SLC2A1: variants seen among roughly 807,000 people sequenced by gnomAD.
The protein encoded by SLC2A1 is solute carrier family 2 member 1, also known as solute carrier family 2, facilitated glucose transporter member 1.
SLC2A1 carries 4 observed loss-of-function variants against 46.6 expected under a neutral mutation model. The ratio of observed to expected loss-of-function variants is 0.09; its 90% CI spans 0.04 to 0.20. The LOEUF (loss-of-function observed/expected upper bound fraction) is 0.20. Ranked by LOEUF, SLC2A1 falls within the 10% of genes least tolerant of loss-of-function variation. The pLI, the probability that SLC2A1 is intolerant of heterozygous loss-of-function variation, is 1.00. For synonymous variants in SLC2A1, 253 were observed against 270.0 expected, an observed-to-expected ratio of 0.94 and a Z score of 0.62; for missense variants, 352 against 667.0, an observed-to-expected ratio of 0.53 and a Z score of 5.20.
At position 42,930,133 on chromosome 1, in the gene SLC2A1, C is replaced by T. The variant is rs1436623316; in HGVS notation, c.517-98G>A. The T allele has an allele frequency of 1.6e-5, 22 of 1,363,670 alleles. No individual in the cohort carries two copies. The highest frequency in any genetic ancestry group is 2.3e-5 in the Non-Finnish European group (22 of 971,014). The allele number at this position is 1,363,670 out of a possible 1,614,324, so 84.5% of individuals were successfully genotyped here. A position where few individuals can be genotyped will look rare whatever the true frequency, so the allele number is the denominator to read the frequency against. On this transcript the variant is annotated intron_variant, in intron 4 of 9. Transcript: ENST00000426263. The surrounding 1 kb of genome is among the most constrained non-coding windows in gnomAD (Gnocchi z 6.2). ...CCCTACTTTGTGTCAGCTGCTGCTTCAGGGAAGGGCCCCAGTTCTAGAGGC... is the reference window on the plus strand; with the variant it reads ...CCCTACTTTGTGTCAGCTGCTGCTTTAGGGAAGGGCCCCAGTTCTAGAGGC...
intron 1 of SLC2A1, among the ~76,000 whole-genome samples, chr1:42,956,475 C>T (rs1384161103): frequency 6.7e-6 from 1 of 148,754 alleles, no homozygotes; most frequent in African/African-American, 2.5e-5. Context: ...ATTCCAGCTA[C>T]TCGGGAGGCT....
intron 1 of SLC2A1, chr1:42,952,232 G>T: frequency 2.4e-6 from 1 of 411,218 alleles, no homozygotes; most frequent in Non-Finnish European, 4.7e-6. Context: ...ACTTTGTGGA[G>T]AGAATGAGAC....
chr1:42,956,847 G>T (rs1250440649), intron 1 of SLC2A1, among the ~76,000 whole-genome samples: 1 of 152,202 alleles, frequency 6.6e-6, no homozygotes, highest in Non-Finnish European at 1.5e-5. Flanking sequence ...AATTAAATCT[G>T]ATGGGCCTGG....
At chr1:42,951,346 G>C (rs1177206458) in intron 1 of SLC2A1, among the ~76,000 whole-genome samples, 1 of 146,708 alleles carries the variant, frequency 6.8e-6, no homozygotes, top group Non-Finnish European at 1.5e-5. Context: ...TACCAGGGTA[G>C]ATTGTTCAGG....
intron 2 of SLC2A1, among the ~76,000 whole-genome samples, chr1:42,933,924 C>A (rs1485359615): frequency 1.3e-5 from 2 of 152,196 alleles, no homozygotes; most frequent in Non-Finnish European, 2.9e-5. Flanking sequence ...CTCCTGATGG[C>A]TAAATTTCTG....
chr1:42,957,788 C>T (rs1411985218), intron 1 of SLC2A1, among the ~76,000 whole-genome samples: 1 of 152,188 alleles, frequency 6.6e-6, no homozygotes, highest in East Asian at 1.9e-4. Flanking sequence ...ATCCCTCATT[C>T]CCCAACCCCG....
At chr1:42,953,433 C>T (rs1643742476) in intron 1 of SLC2A1, among the ~76,000 whole-genome samples, 1 of 152,252 alleles carries the variant, frequency 6.6e-6, no homozygotes, top group South Asian at 2.1e-4. Flanking sequence ...GTAGCCAGGG[C>T]TGGGCCTGCA....
Position 42,929,213 on chromosome 1 carries a change from C to T in SLC2A1, c.969G>A (p.Val323=), listed in dbSNP as rs778121797. The T allele has an allele frequency of 3.1e-6, 5 of 1,613,658 alleles. No homozygotes were observed. The highest frequency in any genetic ancestry group is 4.2e-6 in the Non-Finnish European group (5 of 1,179,674). ...GGGCCAGTAAGCAAAGACTCACCGA[C>T]ACGACAGTGAAGGCCGTGTTGACGA... ...SGIVNTAFTV[V]SLFVVERAGR... Residue 323 remains valine, a synonymous_variant, in exon 7 of 10, where the codon GTG becomes GTA. Transcript: ENST00000426263. The surrounding 1 kb of genome is among the most constrained non-coding windows in gnomAD (Gnocchi z 6.0).
intron 1 of SLC2A1, chr1:42,952,761 G>A (rs932598089): frequency 5.3e-6 from 1 of 189,680 alleles, no homozygotes; most frequent in Non-Finnish European, 1.1e-5. Context: ...TGATCAAGGA[G>A]CCCAGTGTAG....
Position 42,927,578 on chromosome 1 carries a change from G to A in SLC2A1, c.1278+27C>T. The A allele has an allele frequency of 6.2e-7, 1 of 1,601,732 alleles. No individual in the cohort carries two copies. The highest frequency in any genetic ancestry group is 8.5e-7 in the Non-Finnish European group (1 of 1,169,746). On this transcript the variant is annotated intron_variant, in intron 9 of 9. Transcript: ENST00000426263. The surrounding 1 kb of genome is among the most constrained non-coding windows in gnomAD (Gnocchi z 5.3). ...GCACTGTGGGGTCATGCGTGCGGGTGAGTATAGAGACAGTGGGGGTTCTCA... is the reference window on the plus strand; with the variant it reads ...GCACTGTGGGGTCATGCGTGCGGGTAAGTATAGAGACAGTGGGGGTTCTCA...
In SLC2A1 at chr1:42,926,617, A is replaced by C; in HGVS notation, c.*424T>G. On this transcript the variant is annotated 3_prime_UTR_variant, in exon 10 of 10. Coordinates refer to ENST00000426263, the MANE Select transcript of SLC2A1 (RefSeq NM_006516.4). ...CCACCTCCTGGGATAGAAGCTTTGT[A>C]GTTCATAGTTCGATTAGTGTGTCCT... The C allele has an allele frequency of 1.2e-4, 102 of 859,092 alleles. No individual in the cohort carries two copies. Among genetic ancestry groups the C allele is most frequent in the Non-Finnish European group, 1.5e-4 (94 of 610,954 alleles). 53.2% of individuals were successfully genotyped at this position (859,092 alleles called of 1,614,324 possible). A position where few individuals can be genotyped will look rare whatever the true frequency, so the allele number is the denominator to read the frequency against.
chr1:42,957,054 A>T (rs1248996402), intron 1 of SLC2A1, among the ~76,000 whole-genome samples: 4 of 152,206 alleles, frequency 2.6e-5, no homozygotes, highest in African/African-American at 4.8e-5. Flanking sequence ...CAACAAATAA[A>T]TACCCATGTC....
Sources: allele counts gnomAD v4.1 joint callset (sites outside exome capture counted in the v4.1 genomes callset), GRCh38; gene constraint gnomAD v4.1.1; non-coding constraint Gnocchi (gnomAD v3.1); transcripts MANE v1.5; gene names NCBI Gene and HGNC (gene_info 2026-07-23, HGNC 2026-07-21).